Variants in ESRRG observed in about 807,000 individuals in gnomAD.
ESRRG encodes estrogen-related receptor gamma.
Under a neutral mutation model 44.0 loss-of-function variants are expected in ESRRG, and 13 were observed. The ratio of observed to expected loss-of-function variants is 0.30; its 90% confidence interval spans 0.19 to 0.47. The LOEUF (loss-of-function observed/expected upper bound fraction) is 0.47. Among genes scored for constraint, ESRRG ranks in the 20% least tolerant of loss-of-function variants. The probability of loss-of-function intolerance (pLI) is 1.00; values close to 1 mark genes in which losing one functional copy is unlikely to be tolerated. For missense variants in ESRRG, 395 were observed against 580.6 expected (o/e 0.68, Z 3.29); for synonymous variants, 215 against 214.6 (o/e 1.00, Z -0.02).
upstream of ESRRG, among the ~76,000 whole-genome samples, chr1:217,091,827 T>C (rs368553984): frequency 1.0e-3 from 153 of 152,314 alleles, no homozygotes; most frequent in African/African-American, 3.4e-3. Context: ...ATCCAAGAGG[T>C]ACTCGTTAAT....
intron 2 of ESRRG, 104 bp downstream of exon 2, chr1:216,676,972 A>G (rs1461687263): frequency 2.5e-6 from 2 of 802,180 alleles, no homozygotes; most frequent in Admixed American, 2.6e-5. Context: ...TCAAGAGAGA[A>G]TTAAAACTAT....
intron 3 of ESRRG, among the ~76,000 whole-genome samples, chr1:216,605,274 A>C (rs2059775819): frequency 6.6e-6 from 1 of 152,210 alleles, no homozygotes; most frequent in African/African-American, 2.4e-5. Context: ...GGAAAGAGGA[A>C]ATATAAACTC....
intron 2 of ESRRG, among the ~76,000 whole-genome samples, chr1:216,931,338 C>T (rs572795628): frequency 2.7e-4 from 41 of 152,148 alleles, no homozygotes; most frequent in Admixed American, 5.9e-4. Context: ...CTTTCTCTGG[C>T]CTACCCTTTG....
intron 3 of ESRRG, among the ~76,000 whole-genome samples, chr1:216,649,297 T>C (rs921098553): frequency 6.6e-6 from 1 of 152,022 alleles, no homozygotes; most frequent in Non-Finnish European, 1.5e-5. Context: ...GTAAAACATG[T>C]TAACTCTGAA....
chr1:216,896,076 T>TACATC (rs1386730215), intron 2 of ESRRG, among the ~76,000 whole-genome samples: 1 of 152,196 alleles, frequency 6.6e-6, no homozygotes, highest in Non-Finnish European at 1.5e-5. Context: ...TTTCTTACAT[T>TACATC]ACATCACGAC....
chr1:216,511,455 CAACA>C (rs774677796), intron 6 of ESRRG, among the ~76,000 whole-genome samples: 1 of 150,922 alleles, frequency 6.6e-6, no homozygotes, highest in Non-Finnish European at 1.5e-5. Flanking sequence ...ACAACAACAA[CAACA>C]AACAGAGCAA....
At chr1:216,915,875 C>T (rs1464842670) in intron 2 of ESRRG, among the ~76,000 whole-genome samples, 1 of 152,142 alleles carries the variant, frequency 6.6e-6, no homozygotes, top group Non-Finnish European at 1.5e-5. Context: ...AAGGAAACAG[C>T]CAGTGATAGT....
intron 2 of ESRRG, among the ~76,000 whole-genome samples, chr1:216,893,695 A>G (rs2058085154): frequency 6.6e-6 from 1 of 152,144 alleles, no homozygotes; most frequent in African/African-American, 2.4e-5. Flanking sequence ...ATACTAAAGT[A>G]TGTATTTCTA....
chr1:216,620,775 CCTTAT>C (rs1365637560), intron 3 of ESRRG, among the ~76,000 whole-genome samples: 1 of 152,012 alleles, frequency 6.6e-6, no homozygotes, highest in Non-Finnish European at 1.5e-5. Context: ...GGCAATATAC[CCTTAT>C]CCACTGTCCT....
intron 2 of ESRRG, among the ~76,000 whole-genome samples, chr1:216,853,709 G>T (rs990308939): frequency 6.6e-6 from 1 of 152,126 alleles, no homozygotes; most frequent in African/African-American, 2.4e-5. Flanking sequence ...TTCCCCAAGT[G>T]CCAGTAAAGC....
chr1:216,749,218 A>G (rs550298066), intron 2 of ESRRG, among the ~76,000 whole-genome samples: 81 of 151,860 alleles, frequency 5.3e-4, no homozygotes, highest in Non-Finnish European at 1.0e-3. Flanking sequence ...ACTGCTGTTC[A>G]GTGACTGGTG....
chr1:216,771,816 GT>G (rs72464828), intron 2 of ESRRG, among the ~76,000 whole-genome samples: 17,394 of 127,940 alleles, frequency 0.14, 940 homozygotes, highest in African/African-American at 0.21. Context: ...AGTTTGTGGT[GT>G]TTTTTTTTTT....
intron 1 of ESRRG, among the ~76,000 whole-genome samples, chr1:216,951,628 A>G (rs2066961777): frequency 6.6e-6 from 1 of 152,056 alleles, no homozygotes; most frequent in African/African-American, 2.4e-5. Flanking sequence ...AAACAGCACC[A>G]AAATAGTGTA....
intron 1 of ESRRG, among the ~76,000 whole-genome samples, chr1:217,017,649 T>TA (rs2079617100): frequency 6.6e-6 from 1 of 152,172 alleles, no homozygotes; most frequent in Non-Finnish European, 1.5e-5. Flanking sequence ...CTAACTTTTT[T>TA]ATGCCTCAGT....
chr1:216,583,527 G>A (rs1051969671), intron 3 of ESRRG, among the ~76,000 whole-genome samples: 3 of 152,212 alleles, frequency 2.0e-5, no homozygotes, highest in Middle Eastern at 3.2e-3. Flanking sequence ...TGGGCAGCAT[G>A]AGGCATCCCC....
chr1:217,133,136 G>A (rs2092988575), intron 1 of ESRRG, among the ~76,000 whole-genome samples: 1 of 152,240 alleles, frequency 6.6e-6, no homozygotes, highest in Non-Finnish European at 1.5e-5. Flanking sequence ...TGTTGGGAGA[G>A]CGAACTAGAA....
At chr1:216,555,201 A>G (rs1156963225) in intron 5 of ESRRG, among the ~76,000 whole-genome samples, 3 of 152,200 alleles carry the variant, frequency 2.0e-5, no homozygotes, top group Admixed American at 6.5e-5. Flanking sequence ...GGGGAAAAAA[A>G]GCATACAGAT....
At chr1:216,859,503 T>C (rs1335071044) in intron 2 of ESRRG, among the ~76,000 whole-genome samples, 1 of 152,168 alleles carries the variant, frequency 6.6e-6, no homozygotes, top group East Asian at 1.9e-4. Flanking sequence ...TATTAAACAG[T>C]GCATGCATGC....
chr1:216,813,090 A>G (rs969711290), intron 2 of ESRRG, among the ~76,000 whole-genome samples: 1 of 152,206 alleles, frequency 6.6e-6, no homozygotes, highest in Non-Finnish European at 1.5e-5. Context: ...GTTGCTACAC[A>G]GATGCCCAGT....
Sources: allele counts gnomAD v4.1 joint callset (sites outside exome capture counted in the v4.1 genomes callset), GRCh38; gene constraint gnomAD v4.1.1; transcripts MANE v1.5; gene names NCBI Gene and HGNC (gene_info 2026-07-23, HGNC 2026-07-21).